GCDH: variants seen among roughly 807,000 people sequenced by gnomAD.
GCDH encodes glutaryl-CoA dehydrogenase, also known as glutaryl-CoA dehydrogenase, mitochondrial.
In GCDH, 31 loss-of-function variants were observed where a neutral mutation model predicts 52.8. The ratio of observed to expected loss-of-function variants is 0.59; its 90% CI spans 0.44 to 0.79. The LOEUF is 0.79. Ranked by LOEUF, GCDH falls within the 30% of genes least tolerant of loss-of-function variation. The pLI is 0.00. For synonymous variants in GCDH, 242 were observed against 250.0 expected (o/e 0.97, Z 0.30); for missense variants, 509 against 595.0 (o/e 0.86, Z 1.50).
intron 3 of GCDH, 35 bp from the exon 4 acceptor site, chr19:12,891,796 T>C (rs1262467695): frequency 6.2e-7 from 1 of 1,612,658 alleles, no homozygotes; most frequent in Admixed American, 1.7e-5. Flanking sequence ...CACAGTGATC[T>C]TGCGGACTGG....
intron 11 of GCDH, 104 bp from the exon 12 acceptor site, chr19:12,899,364 T>G: frequency 6.2e-7 from 1 of 1,614,136 alleles, no homozygotes; most frequent in Non-Finnish European, 8.5e-7. Context: ...TCTCTGTTGG[T>G]CTGTACTTCT....
intron 4 of GCDH, 34 bp from the exon 5 acceptor site, chr19:12,892,082 C>G: frequency 1.2e-6 from 2 of 1,613,732 alleles, no homozygotes; most frequent in East Asian, 2.2e-5. Flanking sequence ...TGGCCTAGGC[C>G]TGGGCCTGAA....
rs534309237 is a variant in GCDH, at chr19:12,899,623, G to T, written c.*82G>T. On this transcript the variant is annotated 3_prime_UTR_variant, in exon 12 of 12. Transcript: ENST00000222214. ...GGACCGTAGGAGCGCTGTGCTCTGA[G>T]CTTAGAAAGGGAGGTGGCGGATGGA... 6.2e-7 allele frequency: 1 copy of T among 1,613,004 alleles called. No individual in the cohort carries two copies. Among genetic ancestry groups the T allele is most frequent in the African/African-American group, 1.3e-5 (1 of 75,028 alleles).
chr19:12,891,317 G>C lies in GCDH; in HGVS notation c.13G>C (p.Gly5Arg). The C allele has an allele frequency of 6.2e-7, 1 of 1,608,650 alleles. No homozygotes were observed. The highest frequency in any genetic ancestry group is 8.5e-7 in the Non-Finnish European group (1 of 1,179,836). The change falls in exon 2 of 12, where the codon GGC becomes CGC. Residue 5 changes from glycine to arginine, a missense_variant. Transcript: ENST00000222214. ...GCTCTGAGAGAGCATGGCCCTGAGA[G>C]GCGTCTCCGTGCGGCTGCTGAGCCG... MALR[G>R]VSVRLLSRGP...
At chr19:12,894,606 TA>T in intron 6 of GCDH, 2 of 677,126 alleles carry the variant, frequency 3.0e-6, no homozygotes. Context: ...CAGTATGTTG[TA>T]AAAAAGCCCT....
In GCDH at chr19:12,897,009, G is replaced by T. The variant is rs761135089; in HGVS notation, c.952G>T (p.Asp318Tyr). ...CLHTARQYAL[D>Y]RMQFGVPLAR... ...GCACACAGCCCGGCAGTACGCCCTC[G>T]ACAGGTGTGTGAGGGCTGCAGTGAG... The change falls in exon 9 of 12, where the codon GAC (aspartate) becomes TAC (tyrosine). Residue 318 changes from aspartate to tyrosine, a missense_variant. Coordinates refer to ENST00000222214, the MANE Select transcript of GCDH (RefSeq NM_000159.4). 1 of 1,607,980 alleles carries T rather than the reference G, an allele frequency of 6.2e-7. No individual in the cohort carries two copies. The highest frequency in any genetic ancestry group is 1.7e-5 in the Admixed American group (1 of 59,988).
Position 12,891,826 on chromosome 19 carries a change from C to T in GCDH, c.128-5C>T, listed in dbSNP as rs1474949686. 3 of 1,613,694 alleles carry T rather than the reference C, an allele frequency of 1.9e-6. No homozygotes were observed. The highest frequency in any genetic ancestry group is 1.7e-5 in the Admixed American group (1 of 60,000). On this transcript the variant is annotated splice_polypyrimidine_tract_variant and splice_region_variant and intron_variant, in intron 3 of 11. Transcript: ENST00000222214. ...GACTGGACCGAGGCGAATTCCCCTTCCCAGCCTCGCGTCCCGAGTTTGACT... is the reference window on the plus strand; with the variant it reads ...GACTGGACCGAGGCGAATTCCCCTTTCCAGCCTCGCGTCCCGAGTTTGACT...
chr19:12,895,777 AT>A lies in GCDH; in HGVS notation c.506-194del, dbSNP rs56251518. Reference sequence around the variant, plus strand: ...CAGGCACCCACCACCACATCTGGCTATTTTTTTTTTTTTTTTTTTTTAAGTA... The same window carrying A: ...CAGGCACCCACCACCACATCTGGCTATTTTTTTTTTTTTTTTTTTTAAGTA... On this transcript the variant is annotated intron_variant, in intron 6 of 11. Transcript: ENST00000222214. Among the ~76,000 whole-genome samples, 12,012 of 109,878 alleles carry A rather than the reference AT, an allele frequency of 0.11. 635 individuals are homozygous for A. The highest frequency in any genetic ancestry group is 0.21 in the Middle Eastern group (37 of 178). The allele number at this position is 109,878 out of a possible 152,430, so 72.1% of individuals were successfully genotyped here. A position where few individuals can be genotyped will look rare whatever the true frequency, so the allele number is the denominator to read the frequency against.
At chr19:12,894,718 G>T in intron 6 of GCDH, 1 of 806,630 alleles carries the variant, frequency 1.2e-6, no homozygotes, top group Non-Finnish European at 2.0e-6. Context: ...TTGCTCTGAA[G>T]CAGCCGCATA....
chr19:12,898,041 A>C (rs1599619638), intron 11 of GCDH, 178 bp downstream of exon 11: 1 of 643,314 alleles, frequency 1.6e-6, no homozygotes, highest in East Asian at 2.8e-5. Context: ...GGACTGTGGA[A>C]GTGAAGTGCT....
intron 6 of GCDH, chr19:12,894,570 G>T: frequency 1.5e-6 from 1 of 661,184 alleles, no homozygotes; most frequent in Non-Finnish European, 2.7e-6. Context: ...AAACTTTTCA[G>T]TCTCTCTAAA....
intron 10 of GCDH, 38 bp downstream of exon 10, chr19:12,897,466 G>C: frequency 1.2e-6 from 2 of 1,608,052 alleles, no homozygotes; most frequent in Non-Finnish European, 1.7e-6. Flanking sequence ...GATGGCAGCG[G>C]TGGCTGGAGG....
chr19:12,896,705 A>G lies in GCDH; in HGVS notation c.853-205A>G, dbSNP rs1970689774. On this transcript the variant is annotated intron_variant, in intron 8 of 11. Transcript: ENST00000222214. The surrounding 1 kb of genome is among the most constrained non-coding windows in gnomAD (Gnocchi z 5.5). ...CCTCCTGGCTCTGAGCATCGAACCCAGATGCCAGGCTGGGTGGGACTGTGT... is the reference window on the plus strand; with the variant it reads ...CCTCCTGGCTCTGAGCATCGAACCCGGATGCCAGGCTGGGTGGGACTGTGT... Among the ~76,000 whole-genome samples, 1 of 152,218 alleles carries G rather than the reference A, an allele frequency of 6.6e-6. No individual in the cohort carries two copies. Among genetic ancestry groups the G allele is most frequent in the South Asian group, 2.1e-4 (1 of 4,834 alleles).
At chr19:12,894,293 G>T (rs1335059520) in intron 6 of GCDH, 1 of 837,378 alleles carries the variant, frequency 1.2e-6, no homozygotes, top group Non-Finnish European at 2.1e-6. Context: ...GGAATCAGTG[G>T]TGGGAACAAT....
rs1057516899 is a variant in GCDH at position 12,896,230 on chromosome 19, CTGTT to C, written c.665_668del (p.Phe222Ter). 6.2e-7 allele frequency: 1 copy of C among 1,614,050 alleles called. No individual in the cohort carries two copies. The highest frequency in any genetic ancestry group is 8.5e-7 in the Non-Finnish European group (1 of 1,179,922). Reference sequence around the variant, plus strand: ...GATCACGAACTCGCCTATGGCCGATCTGTTTGTAGTGTGGGCTCGGTGTGAAGAT... The same window carrying C: ...GATCACGAACTCGCCTATGGCCGATCTGTAGTGTGGGCTCGGTGTGAAGAT... On this transcript the variant is annotated frameshift_variant, in exon 8 of 12. Coordinates refer to ENST00000222214, the MANE Select transcript of GCDH (RefSeq NM_000159.4). LOFTEE classifies it high-confidence loss of function. This position sits in a 1 kb window ranked among gnomAD's most constrained non-coding sequence, Gnocchi z 5.5.
intron 11 of GCDH, chr19:12,898,213 A>ACCACCG: frequency 1.6e-5 from 6 of 373,790 alleles, no homozygotes; most frequent in South Asian, 2.4e-5. Context: ...GGAGTGAGCG[A>ACCACCG]AGCTACACGC....
intron 6 of GCDH, chr19:12,894,454 G>A (rs1455861484): frequency 2.7e-6 from 2 of 739,762 alleles, no homozygotes; most frequent in Middle Eastern, 2.4e-4. Context: ...CAATCTGAGT[G>A]TTCTCAACTT....
chr19:12,892,580 C>T (rs1370432435), intron 5 of GCDH: 1 of 273,530 alleles, frequency 3.7e-6, no homozygotes, highest in Non-Finnish European at 7.1e-6. Flanking sequence ...GCATGAGCCA[C>T]CACGTTCAGC....
In GCDH at chr19:12,893,598, C is replaced by A. The variant is rs1275797697; in HGVS notation, c.450C>A (p.His150Gln). 1 of 1,614,100 alleles carries A rather than the reference C, an allele frequency of 6.2e-7. No individual in the cohort carries two copies. Among genetic ancestry groups the A allele is most frequent in the Non-Finnish European group, 8.5e-7 (1 of 1,179,978 alleles). ...GTGTCCAGTCCTCCCTCGTCATGCA[C>A]CCTATCTATGCCTATGGCAGCGAGG... ...AMSVQSSLVM[H>Q]PIYAYGSEEQ... is the part of the protein sequence containing the mutation. The change falls in exon 6 of 12, where the codon CAC becomes CAA. Residue 150 changes from histidine to glutamine, a missense_variant. By Grantham distance (24) the His-to-Gln change is conservative (BLOSUM62 0). Transcript: ENST00000222214.
Sources: gnomAD v4.1 joint callset for allele counts (sites outside exome capture counted in the v4.1 genomes callset) on GRCh38, gnomAD v4.1.1 for gene constraint, Gnocchi (gnomAD v3.1) non-coding constraint, MANE v1.5 for transcripts, NCBI Gene and HGNC (gene_info 2026-07-23, HGNC 2026-07-21) for gene names.